The following FLRT2 variants were observed in gnomAD, a reference collection of about 807,000 sequenced individuals.
FLRT2 encodes the protein leucine-rich repeat transmembrane protein FLRT2.
Under a neutral mutation model 40.0 loss-of-function variants are expected in FLRT2, and 15 were observed. That is an observed-to-expected ratio of 0.38 (90% CI 0.25 to 0.58). FLRT2 has a LOEUF of 0.58. FLRT2 is among the 20% of genes least tolerant of loss of function. The pLI, the probability that FLRT2 is intolerant of heterozygous loss-of-function variation, is 0.71. For missense variants in FLRT2, 726 were observed against 840.0 expected, an observed-to-expected ratio of 0.86 and a Z score of 1.68; for synonymous variants, 380 against 336.8, an observed-to-expected ratio of 1.13 and a Z score of -1.41.
chr14:85,577,175 G>C (rs1372456196), intron 1 of FLRT2, among the ~76,000 whole-genome samples: 1 of 152,156 alleles, frequency 6.6e-6, no homozygotes, highest in East Asian at 1.9e-4. Context: ...TTTAAATACT[G>C]TAGTAAAAGG....
At chr14:85,595,026 T>G (rs1313150233) in intron 1 of FLRT2, among the ~76,000 whole-genome samples, 1 of 152,200 alleles carries the variant, frequency 6.6e-6, no homozygotes, top group Non-Finnish European at 1.5e-5. Flanking sequence ...ATCCTCATCT[T>G]CTTCACATTA....
intron 1 of FLRT2, among the ~76,000 whole-genome samples, chr14:85,620,762 A>G (rs1361571754): frequency 6.6e-6 from 1 of 152,188 alleles, no homozygotes. Context: ...CTAGTCTATG[A>G]CCAGTAGGAT....
At chr14:85,613,689 G>A (rs1270967994) in intron 1 of FLRT2, among the ~76,000 whole-genome samples, 1 of 152,120 alleles carries the variant, frequency 6.6e-6, no homozygotes, top group Non-Finnish European at 1.5e-5. Context: ...ATGGCTGTAG[G>A]CTCTGGGGAA....
At chr14:85,547,847 A>G (rs1431779405) in intron 1 of FLRT2, among the ~76,000 whole-genome samples, 1 of 152,236 alleles carries the variant, frequency 6.6e-6, no homozygotes, top group Non-Finnish European at 1.5e-5. Context: ...TGTAAGATGT[A>G]CATTGGTTCA....
At chr14:85,595,875 T>G (rs1342204125) in intron 1 of FLRT2, among the ~76,000 whole-genome samples, 1 of 152,202 alleles carries the variant, frequency 6.6e-6, no homozygotes, top group Non-Finnish European at 1.5e-5. Context: ...TATATTTTCT[T>G]GGTTCTGTGA....
intron 1 of FLRT2, among the ~76,000 whole-genome samples, chr14:85,591,768 C>T (rs755744121): frequency 1.8e-4 from 28 of 152,194 alleles, no homozygotes; most frequent in African/African-American, 3.9e-4. Flanking sequence ...TTATCTAGGG[C>T]GGTAGGCAAC....
intron 1 of FLRT2, among the ~76,000 whole-genome samples, chr14:85,564,311 A>C (rs1251837060): frequency 6.6e-6 from 1 of 152,200 alleles, no homozygotes; most frequent in Non-Finnish European, 1.5e-5. Context: ...AAGCTTTAAC[A>C]ATGTTTAACC....
intron 1 of FLRT2, among the ~76,000 whole-genome samples, chr14:85,539,115 C>T (rs1888835621): frequency 1.3e-5 from 2 of 152,060 alleles, no homozygotes; most frequent in Non-Finnish European, 2.9e-5. Context: ...TATCCACCCT[C>T]ATCACTCCGG....
intron 1 of FLRT2, among the ~76,000 whole-genome samples, chr14:85,601,068 G>T (rs1331866960): frequency 6.6e-6 from 1 of 152,144 alleles, no homozygotes; most frequent in East Asian, 1.9e-4. Context: ...TGGATGAGGG[G>T]CACAAGCTGA....
rs1408473254 is a variant in FLRT2, at chr14:85,621,792, T to C, written c.278T>C (p.Val93Ala). 6.2e-7 allele frequency: 1 copy of C among 1,614,178 alleles called. No individual in the cohort carries two copies. Among genetic ancestry groups the C allele is most frequent in the Admixed American group, 1.7e-5 (1 of 60,028 alleles). Residue 93 changes from valine (V) to alanine (A), a missense_variant, in exon 2 of 2, where the codon GTC (valine) becomes GCC (alanine). Transcript: ENST00000330753. ...CACAATGTACAGTCGGTGCACACGG[T>C]CTACCTGTATGGCAACCAACTGGAC... ...ELHNVQSVHT[V>A]YLYGNQLDEF...
chr14:85,638,783 T>C lies in FLRT2; in HGVS notation c.*15286T>C, dbSNP rs1043414444. On this transcript the variant is annotated 3_prime_UTR_variant, in exon 2 of 2. Transcript: ENST00000330753. The stretch of plus-strand genomic sequence containing the variant: ...TTTAAATGACGCACCTGAACATATA[T>C]GAGGCCTAGATTTTGCTGCATGTCC... 2 of 152,214 alleles carry C rather than the reference T, an allele frequency of 1.3e-5. No individual in the cohort carries two copies. The highest frequency in any genetic ancestry group is 6.5e-5 in the Admixed American group (1 of 15,280). The allele number at this position is 152,214 out of a possible 1,614,324, so 9.4% of individuals were successfully genotyped here. A position where few individuals can be genotyped will look rare whatever the true frequency, so the allele number is the denominator to read the frequency against.
At chr14:85,581,136 C>G (rs908294413) in intron 1 of FLRT2, among the ~76,000 whole-genome samples, 1 of 152,184 alleles carries the variant, frequency 6.6e-6, no homozygotes, top group African/African-American at 2.4e-5. Flanking sequence ...CACAGATACC[C>G]TTGAAATTTG....
intron 1 of FLRT2, among the ~76,000 whole-genome samples, chr14:85,579,640 C>A (rs1891297646): frequency 6.6e-6 from 1 of 152,100 alleles, no homozygotes; most frequent in Non-Finnish European, 1.5e-5. Context: ...ATTCTTAGCC[C>A]ATGGGGTTGT....
At chr14:85,545,456 C>T (rs75651179) in intron 1 of FLRT2, among the ~76,000 whole-genome samples, 1,919 of 152,274 alleles carry the variant, frequency 0.013, 37 homozygotes, top group African/African-American at 0.044. Context: ...TTTCCAAAAT[C>T]AACTCAAAAT....
In FLRT2 at chr14:85,635,685, C is replaced by G. The variant is rs556739031; in HGVS notation, c.*12188C>G. ...TAACCCTGATCCCTGCCACTTTTATCTGAACCTTGAACAAACATACAATTA... is the reference window on the plus strand; with the variant it reads ...TAACCCTGATCCCTGCCACTTTTATGTGAACCTTGAACAAACATACAATTA... On this transcript the variant is annotated 3_prime_UTR_variant, in exon 2 of 2. Coordinates refer to ENST00000330753, the MANE Select transcript of FLRT2 (RefSeq NM_013231.6). 5.9e-5 allele frequency: 9 copies of G among 151,894 alleles called. No homozygotes were observed. The highest frequency in any genetic ancestry group is 8.8e-5 in the Non-Finnish European group (6 of 67,930). The allele number at this position is 151,894 out of a possible 1,614,324, so 9.4% of individuals were successfully genotyped here.
Position 85,624,569 on chromosome 14 carries a change from C to G in FLRT2, c.*1072C>G, listed in dbSNP as rs1055864306. On this transcript the variant is annotated 3_prime_UTR_variant, in exon 2 of 2. Transcript: ENST00000330753. ...CTGATCAGTGGTTCTGTTATGTCAGCTGACTTTGTTAGTATCATGTTGAAA... is the reference window on the plus strand; with the variant it reads ...CTGATCAGTGGTTCTGTTATGTCAGGTGACTTTGTTAGTATCATGTTGAAA... 6.0e-6 allele frequency: 1 copy of G among 167,028 alleles called. No individual in the cohort carries two copies. The highest frequency in any genetic ancestry group is 1.5e-5 in the Non-Finnish European group (1 of 68,108). The allele number at this position is 167,028 out of a possible 1,614,324, so 10.3% of individuals were successfully genotyped here. A position where few individuals can be genotyped will look rare whatever the true frequency, so the allele number is the denominator to read the frequency against.
chr14:85,630,564 A>G lies in FLRT2; in HGVS notation c.*7067A>G, dbSNP rs1414954227. 2.0e-5 allele frequency: 3 copies of G among 152,102 alleles called. No homozygotes were observed. Among genetic ancestry groups the G allele is most frequent in the African/African-American group, 7.2e-5 (3 of 41,410 alleles). The allele number at this position is 152,102 out of a possible 1,614,324, so 9.4% of individuals were successfully genotyped here. On this transcript the variant is annotated 3_prime_UTR_variant, in exon 2 of 2. Transcript: ENST00000330753. ...TAAGAATGTTTTCCAGGAGAGTTAA[A>G]TTTTGCTCATCAAAAATCTTTCTTG...
intron 1 of FLRT2, among the ~76,000 whole-genome samples, chr14:85,568,906 C>T (rs1469773312): frequency 6.7e-6 from 1 of 150,038 alleles, no homozygotes; most frequent in African/African-American, 2.5e-5. Context: ...CTCTCTCTGC[C>T]TCTCACTCAT....
Position 85,643,645 on chromosome 14 carries a change from A to T in FLRT2, c.*20148A>T, listed in dbSNP as rs1894221881. On this transcript the variant is annotated 3_prime_UTR_variant, in exon 2 of 2. Transcript: ENST00000330753. ...TGACCTCAGGTGATCCACCCGCCTCAGCTTCCCAAATCGCTGGGTTTACAG... is the reference window on the plus strand; with the variant it reads ...TGACCTCAGGTGATCCACCCGCCTCTGCTTCCCAAATCGCTGGGTTTACAG... 6.6e-6 allele frequency: 1 copy of T among 152,178 alleles called. No homozygotes were observed. Among genetic ancestry groups the T allele is most frequent in the African/African-American group, 2.4e-5 (1 of 41,408 alleles). 9.4% of individuals were successfully genotyped at this position (152,178 alleles called of 1,614,324 possible). A position where few individuals can be genotyped will look rare whatever the true frequency, so the allele number is the denominator to read the frequency against.
Sources: allele counts gnomAD v4.1 joint callset (sites outside exome capture counted in the v4.1 genomes callset), GRCh38; gene constraint gnomAD v4.1.1; transcripts MANE v1.5; gene names NCBI Gene and HGNC (gene_info 2026-07-23, HGNC 2026-07-21).